Variants in ZNF136 observed in about 807,000 individuals in gnomAD.
ZNF136 encodes the protein zinc finger protein 136, also known as zinc finger protein 136 (clone pHZ-20).
In ZNF136, 8 loss-of-function variants were observed where a neutral mutation model predicts 11.4. That is an observed-to-expected ratio of 0.70 (90% CI 0.41 to 1.27). The LOEUF (loss-of-function observed/expected upper bound fraction) is 1.27. Ranked by LOEUF, ZNF136 falls within the 50% of genes most tolerant of loss-of-function variation. The pLI is 0.01. For synonymous variants in ZNF136, 190 were observed against 207.1 expected, an observed-to-expected ratio of 0.92 and a Z score of 0.71; for missense variants, 590 against 656.5, an observed-to-expected ratio of 0.90 and a Z score of 1.11.
intron 1 of ZNF136, among the ~76,000 whole-genome samples, chr19:12,183,329 T>C (rs555572016): frequency 2.3e-4 from 35 of 151,704 alleles, no homozygotes; most frequent in African/African-American, 8.2e-4. Flanking sequence ...AGAGATAGGG[T>C]TTCACCATGT....
In ZNF136 at chr19:12,186,591, C is replaced by T. The variant is rs1166248728; in HGVS notation, c.213C>T (p.Leu71=). ...ACAGAAGTCATATGTTAGAAAGACT[C>T]TATCAAACTAAGGATGGTAGTCAGC... ...RNLRSHMLER[L]YQTKDGSQRG... The change falls in exon 4 of 4, where the codon CTC becomes CTT. Residue 71 remains leucine (L), a synonymous_variant. Coordinates refer to ENST00000343979, the MANE Select transcript of ZNF136 (RefSeq NM_003437.5). 3 of 1,612,372 alleles carry T rather than the reference C, an allele frequency of 1.9e-6. No homozygotes were observed. Among genetic ancestry groups the T allele is most frequent in the Middle Eastern group, 1.7e-4 (1 of 6,050 alleles).
intron 1 of ZNF136, among the ~76,000 whole-genome samples, chr19:12,173,610 T>C (rs1454608125): frequency 2.6e-5 from 4 of 152,194 alleles, no homozygotes; most frequent in Non-Finnish European, 1.5e-5. Context: ...TGTTTATTTG[T>C]AGCCTTTAAA....
rs1915197411 is a variant in ZNF136 at position 12,189,339 on chromosome 19, TC to T, written c.*1339del. Reference sequence around the variant, plus strand: ...GAACAGCTCCTTTTTTTTCCTTTTTTCTTTTTTCTTTCTTCTTTTTTCTTTT... The same window carrying T: ...GAACAGCTCCTTTTTTTTCCTTTTTTTTTTTTCTTTCTTCTTTTTTCTTTT... On this transcript the variant is annotated 3_prime_UTR_variant, in exon 4 of 4. Coordinates refer to ENST00000343979, the MANE Select transcript of ZNF136 (RefSeq NM_003437.5). 1 of 152,178 alleles carries T rather than the reference TC, an allele frequency of 6.6e-6. No individual in the cohort carries two copies. The highest frequency in any genetic ancestry group is 1.5e-5 in the Non-Finnish European group (1 of 68,054). 9.4% of individuals were successfully genotyped at this position (152,178 alleles called of 1,614,324 possible).
At chr19:12,168,537 T>G (rs1341712448) in intron 1 of ZNF136, among the ~76,000 whole-genome samples, 1 of 152,016 alleles carries the variant, frequency 6.6e-6, no homozygotes, top group Non-Finnish European at 1.5e-5. Context: ...GGTCCTATAC[T>G]CCCTTCCCTG....
At chr19:12,181,155 C>T (rs10420939) in intron 1 of ZNF136, among the ~76,000 whole-genome samples, 3,191 of 152,266 alleles carry the variant, frequency 0.021, 118 homozygotes, top group Admixed American at 0.094. Context: ...CCGTGGTAGC[C>T]GGAGGGAGGA....
At chr19:12,170,177 C>T (rs1914614954) in intron 1 of ZNF136, among the ~76,000 whole-genome samples, 1 of 151,932 alleles carries the variant, frequency 6.6e-6, no homozygotes, top group South Asian at 2.1e-4. Flanking sequence ...ATTCACCCAC[C>T]TTGGCCTCCC....
rs747334844 is a variant in ZNF136 at position 12,187,950 on chromosome 19, A to G, written c.1572A>G (p.Leu524=). Residue 524 remains leucine (L), a synonymous_variant, in exon 4 of 4, where the codon TTA becomes TTG. Transcript: ENST00000343979. The stretch of plus-strand genomic sequence containing the variant: ...GTGCCAGCTTTCAGAGACACATGTT[A>G]ACACATGCTGAAGATGGACCACCTT... ...SCRASFQRHM[L]THAEDGPPYK... 6 of 1,553,816 alleles carry G rather than the reference A, an allele frequency of 3.9e-6. No homozygotes were observed. The African/African-American group carries it at 8.3e-5, about 21-fold the overall frequency.
At chr19:12,182,869 A>C (rs1359843000) in intron 1 of ZNF136, among the ~76,000 whole-genome samples, 17 of 152,198 alleles carry the variant, frequency 1.1e-4, no homozygotes. Context: ...CAGTTAAGTC[A>C]GATTTCTCTG....
intron 1 of ZNF136, among the ~76,000 whole-genome samples, chr19:12,165,300 C>A (rs1977170817): frequency 6.6e-6 from 1 of 152,182 alleles, no homozygotes; most frequent in South Asian, 2.1e-4. Context: ...GATAAGATGA[C>A]CTCTGCTGAC....
rs1303245458 is a variant in ZNF136, at chr19:12,186,848, C to T, written c.470C>T (p.Thr157Ile). 2 of 1,614,124 alleles carry T rather than the reference C, an allele frequency of 1.2e-6. No homozygotes were observed. Among genetic ancestry groups the T allele is most frequent in the South Asian group, 1.1e-5 (1 of 91,084 alleles). Residue 157 changes from threonine to isoleucine, a missense_variant, in exon 4 of 4, where the codon ACA becomes ATA. Coordinates refer to ENST00000343979, the MANE Select transcript of ZNF136 (RefSeq NM_003437.5). ...TTCAGTTCTCACCACTCCTTTCGAA[C>T]ACATGAGATAATTCACACTGGAGAG... Reference protein sequence around the residue: ...KPFSSHHSFRTHEIIHTGEKL... With the variant: ...KPFSSHHSFRIHEIIHTGEKL...
intron 1 of ZNF136, among the ~76,000 whole-genome samples, chr19:12,180,416 A>G (rs151215874): frequency 6.6e-6 from 1 of 152,348 alleles, no homozygotes; most frequent in African/African-American, 2.4e-5. Flanking sequence ...TGGGAACACA[A>G]AGTGAATAAA....
At chr19:12,165,356 C>T (rs566921260) in intron 1 of ZNF136, among the ~76,000 whole-genome samples, 17 of 152,264 alleles carry the variant, frequency 1.1e-4, no homozygotes, top group African/African-American at 4.1e-4. Flanking sequence ...CACTGCTTCT[C>T]CCTGGGATTC....
intron 1 of ZNF136, among the ~76,000 whole-genome samples, chr19:12,171,298 C>T (rs1219314256): frequency 6.6e-6 from 1 of 151,772 alleles, no homozygotes; most frequent in Non-Finnish European, 1.5e-5. Context: ...GTTTTTTATA[C>T]ATTGGAAAAA....
intron 1 of ZNF136, among the ~76,000 whole-genome samples, chr19:12,183,772 A>C (rs923179071): frequency 6.6e-6 from 1 of 151,902 alleles, no homozygotes; most frequent in Admixed American, 6.6e-5. Context: ...CTAATTTTTA[A>C]ATTTTTCTGT....
chr19:12,175,700 C>T (rs1914772476), intron 1 of ZNF136, among the ~76,000 whole-genome samples: 1 of 152,182 alleles, frequency 6.6e-6, no homozygotes, highest in Non-Finnish European at 1.5e-5. Context: ...TTTATTCTTG[C>T]AGTTGTACAT....
At chr19:12,178,317 A>G (rs965998518) in intron 1 of ZNF136, among the ~76,000 whole-genome samples, 3 of 152,154 alleles carry the variant, frequency 2.0e-5, no homozygotes, top group Non-Finnish European at 4.4e-5. Flanking sequence ...CACATCCACA[A>G]TGGTGCTGTC....
At chr19:12,176,632 ATGAG>A in intron 1 of ZNF136, among the ~76,000 whole-genome samples, 1 of 152,194 alleles carries the variant, frequency 6.6e-6, no homozygotes, top group African/African-American at 2.4e-5. Flanking sequence ...CAGCCTTTCC[ATGAG>A]TATTAATCTC....
chr19:12,178,449 T>C (rs1194411883), intron 1 of ZNF136, among the ~76,000 whole-genome samples: 1 of 152,206 alleles, frequency 6.6e-6, no homozygotes. Flanking sequence ...TTTCCTATTA[T>C]TCACAGCTGA....
Position 12,185,700 on chromosome 19 carries a change from A to G in ZNF136, c.4-85A>G, listed in dbSNP as rs1047515066. The G allele has an allele frequency of 6.6e-6, 10 of 1,525,774 alleles. 1 individual carries two copies. The highest frequency in any genetic ancestry group is 2.6e-5 in the South Asian group (2 of 76,270). 94.5% of individuals were successfully genotyped at this position (1,525,774 alleles called of 1,614,324 possible). A position where few individuals can be genotyped will look rare whatever the true frequency, so the allele number is the denominator to read the frequency against. On this transcript the variant is annotated intron_variant, in intron 1 of 3. Transcript: ENST00000343979. ...GTAAATGTTTGCAGACCCCTGAAAC[A>G]TGTGAACTTCTTATGAATTGAGTAC...
Sources: allele counts gnomAD v4.1 joint callset (sites outside exome capture counted in the v4.1 genomes callset), GRCh38; gene constraint gnomAD v4.1.1; transcripts MANE v1.5; gene names NCBI Gene and HGNC (gene_info 2026-07-23, HGNC 2026-07-21).